The following TNKS variants were observed in gnomAD, a reference collection of about 807,000 sequenced individuals.
TNKS encodes the protein tankyrase.
A neutral mutation model predicts 135.8 loss-of-function variants in TNKS; 72 were observed. The ratio of observed to expected loss-of-function variants is 0.53; its 90% CI spans 0.44 to 0.64. The LOEUF is 0.64. Among genes scored for constraint, TNKS ranks in the 30% least tolerant of loss-of-function variants. TNKS has a pLI of 0.00. For missense variants in TNKS, 1,769 were observed against 1,674.0 expected, an observed-to-expected ratio of 1.06 and a Z score of -0.99; for synonymous variants, 849 against 649.3, an observed-to-expected ratio of 1.31 and a Z score of -4.68.
At chr8:9,733,037 AGTATATATCC>A (rs1805520809) in intron 14 of TNKS, among the ~76,000 whole-genome samples, 2 of 152,230 alleles carry the variant, frequency 1.3e-5, no homozygotes. Flanking sequence ...GATTGCTGTG[AGTATATATCC>A]ATCCCCAAGA....
chr8:9,605,160 T>A (rs1449534546), intron 2 of TNKS, among the ~76,000 whole-genome samples: 1 of 152,098 alleles, frequency 6.6e-6, no homozygotes, highest in Non-Finnish European at 1.5e-5. Flanking sequence ...AGTTGTCTGG[T>A]GCCCATCTGC....
chr8:9,772,566 CCTT>C (rs1339710423), intron 26 of TNKS: 1 of 366,712 alleles, frequency 2.7e-6, no homozygotes, highest in Non-Finnish European at 5.4e-6. Flanking sequence ...ACGAAGTTAA[CCTT>C]CTGCCCCCAA....
At chr8:9,573,836 G>T (rs1797848223) in intron 1 of TNKS, among the ~76,000 whole-genome samples, 1 of 152,122 alleles carries the variant, frequency 6.6e-6, no homozygotes, top group South Asian at 2.1e-4. Context: ...AAAAACATCA[G>T]TTTAAAAATA....
intron 1 of TNKS, among the ~76,000 whole-genome samples, chr8:9,570,402 G>A (rs1028577853): frequency 1.3e-5 from 2 of 152,074 alleles, no homozygotes; most frequent in African/African-American, 2.4e-5. Flanking sequence ...TGTCCTGGGG[G>A]CTAAAATACA....
chr8:9,596,722 A>G (rs1204754183), intron 2 of TNKS, among the ~76,000 whole-genome samples: 1 of 152,214 alleles, frequency 6.6e-6, no homozygotes, highest in African/African-American at 2.4e-5. Flanking sequence ...AAGCCTGAAA[A>G]TTTCTAAATT....
intron 3 of TNKS, among the ~76,000 whole-genome samples, chr8:9,661,386 A>T (rs1250214349): frequency 3.3e-5 from 5 of 152,234 alleles, no homozygotes; most frequent in Non-Finnish European, 5.9e-5. Flanking sequence ...CAAAACAGAG[A>T]TAGAGACCAA....
chr8:9,652,344 T>C (rs745567265), intron 3 of TNKS, among the ~76,000 whole-genome samples: 13 of 152,222 alleles, frequency 8.5e-5, no homozygotes, highest in Non-Finnish European at 1.6e-4. Context: ...CTGCATGATT[T>C]TTCTAATTAT....
rs932053099 is a variant in TNKS, at chr8:9,779,027, C to G, written c.*2291C>G. On this transcript the variant is annotated 3_prime_UTR_variant, in exon 27 of 27. Transcript: ENST00000310430. Reference sequence around the variant, plus strand: ...CTGCCAGTGTTATACGTCTCATGCTCTGTGTGCCAGGTGAAGGTACTGTGT... The same window carrying G: ...CTGCCAGTGTTATACGTCTCATGCTGTGTGTGCCAGGTGAAGGTACTGTGT... 2.6e-5 allele frequency: 4 copies of G among 152,338 alleles called. No homozygotes were observed. Among genetic ancestry groups the G allele is most frequent in the African/African-American group, 9.7e-5 (4 of 41,446 alleles). The allele number at this position is 152,338 out of a possible 1,614,324, so 9.4% of individuals were successfully genotyped here.
intron 2 of TNKS, among the ~76,000 whole-genome samples, chr8:9,580,592 A>C (rs1336624298): frequency 6.6e-6 from 1 of 152,194 alleles, no homozygotes; most frequent in African/African-American, 2.4e-5. Flanking sequence ...AATGCAGTCA[A>C]ATGCCTATTG....
At chr8:9,732,248 A>G (rs1446393032) in intron 14 of TNKS, among the ~76,000 whole-genome samples, 2 of 152,224 alleles carry the variant, frequency 1.3e-5, no homozygotes, top group Admixed American at 6.5e-5. Context: ...TGTATGTTTT[A>G]TATTAGTTTG....
intron 3 of TNKS, among the ~76,000 whole-genome samples, chr8:9,667,794 T>C (rs1802066458): frequency 6.6e-6 from 1 of 152,276 alleles, no homozygotes; most frequent in South Asian, 2.1e-4. Flanking sequence ...TTCATTGACT[T>C]TAGTGAAGTC....
intron 5 of TNKS, among the ~76,000 whole-genome samples, chr8:9,698,516 C>G (rs1313794209): frequency 6.6e-6 from 1 of 151,882 alleles, no homozygotes; most frequent in African/African-American, 2.4e-5. Context: ...GTAAAACATT[C>G]CTGTGTGATA....
chr8:9,633,761 G>A (rs1166019686), intron 3 of TNKS, among the ~76,000 whole-genome samples: 1 of 152,186 alleles, frequency 6.6e-6, no homozygotes, highest in African/African-American at 2.4e-5. Context: ...CATTTGGGGA[G>A]GTACTGAAGT....
At chr8:9,702,696 A>C (rs1321529484) in intron 5 of TNKS, among the ~76,000 whole-genome samples, 13 of 152,156 alleles carry the variant, frequency 8.5e-5, no homozygotes, top group Non-Finnish European at 1.6e-4. Context: ...ATGATAAAAA[A>C]TTTTAGTTGC....
chr8:9,589,719 G>C (rs1798518495), intron 2 of TNKS, among the ~76,000 whole-genome samples: 1 of 152,252 alleles, frequency 6.6e-6, no homozygotes, highest in Admixed American at 6.5e-5. Flanking sequence ...GGGGCTGGGA[G>C]CCACGTGGGT....
At chr8:9,776,520 A>G (rs1808233283) in intron 26 of TNKS, 130 bp from the exon 27 acceptor site, 6 of 719,768 alleles carry the variant, frequency 8.3e-6, no homozygotes, top group Non-Finnish European at 1.2e-5. Flanking sequence ...TTGTTCAGGC[A>G]CCTATTAAGA....
At chr8:9,669,250 C>G (rs960706704) in intron 3 of TNKS, among the ~76,000 whole-genome samples, 1 of 150,500 alleles carries the variant, frequency 6.6e-6, no homozygotes, top group Admixed American at 6.6e-5. Flanking sequence ...AACCCCGTCT[C>G]TACTAAAAAT....
At position 9,726,659 on chromosome 8, in the gene TNKS, C is replaced by T. The variant is rs1168369184; in HGVS notation, c.1940C>T (p.Thr647Ile). ...QILSESTPIR[T>I]SDVDYRLLEA... ...TATGCAGAGAGTACACCTATACGTACTTCTGATGTTGATTATCGACTCTTA... is the reference window on the plus strand; with the variant it reads ...TATGCAGAGAGTACACCTATACGTATTTCTGATGTTGATTATCGACTCTTA... The change falls in exon 13 of 27, where the codon ACT becomes ATT. Residue 647 changes from threonine to isoleucine, a missense_variant. Coordinates refer to ENST00000310430, the MANE Select transcript of TNKS (RefSeq NM_003747.3). 2 of 1,613,160 alleles carry T rather than the reference C, an allele frequency of 1.2e-6. No individual in the cohort carries two copies. The highest frequency in any genetic ancestry group is 1.1e-5 in the South Asian group (1 of 90,972).
chr8:9,717,671 T>TA (rs1463480197), intron 11 of TNKS, among the ~76,000 whole-genome samples: 1 of 152,158 alleles, frequency 6.6e-6, no homozygotes, highest in African/African-American at 2.4e-5. Flanking sequence ...GCATGGTACT[T>TA]ACTGCTGAGA....
Sources: gnomAD v4.1 joint callset for allele counts (sites outside exome capture counted in the v4.1 genomes callset) on GRCh38, gnomAD v4.1.1 for gene constraint, MANE v1.5 for transcripts, NCBI Gene and HGNC (gene_info 2026-07-23, HGNC 2026-07-21) for gene names.